The following CFAP77 variants were observed in gnomAD, a reference collection of about 807,000 sequenced individuals.
CFAP77 encodes the protein cilia- and flagella-associated protein 77.
A neutral mutation model predicts 31.1 loss-of-function variants in CFAP77; 25 were observed. The ratio of observed to expected loss-of-function variants is 0.80; its 90% CI spans 0.59 to 1.12. The LOEUF (loss-of-function observed/expected upper bound fraction) is 1.12. Among genes scored for constraint, CFAP77 ranks in the 50% most tolerant of loss-of-function variants. The pLI is 0.00. For synonymous variants in CFAP77, 151 were observed against 159.9 expected, an observed-to-expected ratio of 0.94 and a Z score of 0.42; for missense variants, 377 against 397.3, an observed-to-expected ratio of 0.95 and a Z score of 0.44.
At chr9:132,454,662 A>G (rs145529699) in intron 1 of CFAP77, among the ~76,000 whole-genome samples, 335 of 152,374 alleles carry the variant, frequency 2.2e-3, no homozygotes, top group Non-Finnish European at 4.2e-3. Context: ...TCTAGAAGTG[A>G]AGACTACTTC....
chr9:132,445,837 C>G (rs1433233504), intron 1 of CFAP77, among the ~76,000 whole-genome samples: 3 of 146,694 alleles, frequency 2.0e-5, no homozygotes, highest in African/African-American at 2.6e-5. Flanking sequence ...CCACTGCACT[C>G]TAGCCTGGGC....
At chr9:132,444,024 G>A (rs1190230175) in intron 1 of CFAP77, among the ~76,000 whole-genome samples, 1 of 152,212 alleles carries the variant, frequency 6.6e-6, no homozygotes, top group East Asian at 1.9e-4. Flanking sequence ...TGGCCCTCCC[G>A]GGCCCACAGG....
At position 132,490,722 on chromosome 9, in the gene CFAP77, T is replaced by C. The variant is rs1851638902; in HGVS notation, c.196-7973T>C. On this transcript the variant is annotated intron_variant, in intron 1 of 5. Transcript: ENST00000393216. This position sits in a 1 kb window ranked among gnomAD's most constrained non-coding sequence, Gnocchi z 4.6. Reference sequence around the variant, plus strand: ...ATTCAAGATCTGTATGTGTCTTTCTTTTCCTGATTACCCTTCCCCCAACGC... The same window carrying C: ...ATTCAAGATCTGTATGTGTCTTTCTCTTCCTGATTACCCTTCCCCCAACGC... 6.6e-6 allele frequency among the ~76,000 whole-genome samples: 1 copy of C among 152,180 alleles called. No homozygotes were observed.
chr9:132,516,049 T>A (rs1227961755), intron 3 of CFAP77, among the ~76,000 whole-genome samples: 2 of 152,102 alleles, frequency 1.3e-5, no homozygotes, highest in Non-Finnish European at 2.9e-5. Context: ...TAGGGAGTGG[T>A]GGGGACTGCA....
intron 1 of CFAP77, among the ~76,000 whole-genome samples, chr9:132,434,773 G>A (rs1850474875): frequency 6.6e-6 from 1 of 152,224 alleles, no homozygotes; most frequent in African/African-American, 2.4e-5. Context: ...GGGGCAGAGG[G>A]ATTGCTTCTG....
intron 1 of CFAP77, among the ~76,000 whole-genome samples, chr9:132,412,911 C>A (rs1408906187): frequency 6.6e-6 from 1 of 152,098 alleles, no homozygotes; most frequent in East Asian, 1.9e-4. Context: ...GTTTCACCAT[C>A]ATAGATTTTC....
chr9:132,467,404 C>T (rs555191264), intron 1 of CFAP77, among the ~76,000 whole-genome samples: 19 of 152,208 alleles, frequency 1.2e-4, no homozygotes, highest in East Asian at 9.7e-4. Flanking sequence ...TCTGTCTCTG[C>T]TAATTTGACT....
chr9:132,479,011 G>A (rs1851399259), intron 1 of CFAP77, among the ~76,000 whole-genome samples: 1 of 152,150 alleles, frequency 6.6e-6, no homozygotes, highest in Admixed American at 6.5e-5. Flanking sequence ...CACCAAATCT[G>A]TCTATTTTAT....
intron 1 of CFAP77, among the ~76,000 whole-genome samples, chr9:132,431,424 A>G (rs1489537337): frequency 6.6e-6 from 1 of 152,224 alleles, no homozygotes; most frequent in Non-Finnish European, 1.5e-5. Flanking sequence ...AACATATAGA[A>G]TTGAGATAAT....
chr9:132,477,754 G>A (rs485731), intron 1 of CFAP77, among the ~76,000 whole-genome samples: 79,713 of 151,606 alleles, frequency 0.53, 21,601 homozygotes, highest in East Asian at 0.77. Flanking sequence ...GTGTCTAGGG[G>A]GTGAGTAGGG....
chr9:132,542,747 C>G (rs1852667531), intron 4 of CFAP77, among the ~76,000 whole-genome samples, 199 bp from the exon 5 acceptor site: 1 of 151,680 alleles, frequency 6.6e-6, no homozygotes, highest in Non-Finnish European at 1.5e-5. Flanking sequence ...CTCCCCCAGT[C>G]TCCTGAGCTG....
chr9:132,508,003 G>C (rs1851963556), intron 3 of CFAP77, among the ~76,000 whole-genome samples: 1 of 152,212 alleles, frequency 6.6e-6, no homozygotes, highest in Admixed American at 6.5e-5. Flanking sequence ...AGGTCCCAGA[G>C]CGCAGGGAGA....
rs559051958 is a variant in CFAP77 at position 132,539,602 on chromosome 9, G to A, written c.630+1896G>A. On this transcript the variant is annotated intron_variant, in intron 4 of 5. Coordinates refer to ENST00000393216, the MANE Select transcript of CFAP77 (RefSeq NM_001282957.2). The surrounding 1 kb of genome is among the most constrained non-coding windows in gnomAD (Gnocchi z 4.3). Reference sequence around the variant, plus strand: ...ATGTTCTAGGGCCAACCAGGGGATCGGAGGAGTCTTTCTCGAAATCCTGGT... The same window carrying A: ...ATGTTCTAGGGCCAACCAGGGGATCAGAGGAGTCTTTCTCGAAATCCTGGT... Among the ~76,000 whole-genome samples, 1 of 152,228 alleles carries A rather than the reference G, an allele frequency of 6.6e-6. No individual in the cohort carries two copies. The highest frequency in any genetic ancestry group is 6.5e-5 in the Admixed American group (1 of 15,294).
At chr9:132,536,625 C>T (rs1852548956) in intron 3 of CFAP77, among the ~76,000 whole-genome samples, 1 of 152,142 alleles carries the variant, frequency 6.6e-6, no homozygotes, top group Non-Finnish European at 1.5e-5. Flanking sequence ...AACTCCTGAC[C>T]TCAGGTGATC....
intron 3 of CFAP77, 74 bp from the exon 4 acceptor site, chr9:132,537,527 G>A: frequency 9.1e-7 from 1 of 1,095,270 alleles, no homozygotes; most frequent in Non-Finnish European, 1.4e-6. Flanking sequence ...GAGGCTCCCG[G>A]GGGCGGGCGG....
chr9:132,572,472 C>T lies in CFAP77; in HGVS notation c.817C>T (p.Gln273Ter). The T allele has an allele frequency of 6.2e-7, 1 of 1,610,460 alleles. No individual in the cohort carries two copies. The highest frequency in any genetic ancestry group is 1.3e-5 in the African/African-American group (1 of 75,000). The change falls in exon 6 of 6, where the codon CAG (glutamine) becomes TAG (stop). Residue 273 changes from glutamine (Q) to a stop codon, truncating the protein, a stop_gained. Coordinates refer to ENST00000393216, the MANE Select transcript of CFAP77 (RefSeq NM_001282957.2). LOFTEE classifies it high-confidence loss of function. The stretch of plus-strand genomic sequence containing the variant: ...CCACCGGGAAGAGTGTGCCGTGCGC[C>T]AGGGGACCCTGCGGATGGGCAACTA... ...KAHREECAVR[Q>*]GTLRMGNYTH...
At chr9:132,487,071 G>C (rs1191812109) in intron 1 of CFAP77, among the ~76,000 whole-genome samples, 1 of 152,240 alleles carries the variant, frequency 6.6e-6, no homozygotes, top group African/African-American at 2.4e-5. Context: ...GGCTCCCCAC[G>C]GTCCGCGGCT....
In CFAP77 at chr9:132,523,122, C is replaced by T. The variant is rs561469268; in HGVS notation, c.525-14479C>T. Among the ~76,000 whole-genome samples the T allele has an allele frequency of 1.0e-3, 149 of 148,908 alleles. 1 individual carries two copies. Among genetic ancestry groups the T allele is most frequent in the Admixed American group, 3.2e-3 (47 of 14,816 alleles). Reference sequence around the variant, plus strand: ...TTTTTTTTTGAGACAGGGTTTCACTCTGTTGTCCAGGCTGGAGTGCAGTGG... The same window carrying T: ...TTTTTTTTTGAGACAGGGTTTCACTTTGTTGTCCAGGCTGGAGTGCAGTGG... On this transcript the variant is annotated intron_variant, in intron 3 of 5. Coordinates refer to ENST00000393216, the MANE Select transcript of CFAP77 (RefSeq NM_001282957.2).
At chr9:132,417,038 C>T (rs1850114722) in intron 1 of CFAP77, among the ~76,000 whole-genome samples, 2 of 152,066 alleles carry the variant, frequency 1.3e-5, no homozygotes, top group Non-Finnish European at 2.9e-5. Flanking sequence ...CAAGCTCCTG[C>T]ATCAGTATGT....
Sources: allele counts gnomAD v4.1 joint callset (sites outside exome capture counted in the v4.1 genomes callset), GRCh38; gene constraint gnomAD v4.1.1; non-coding constraint Gnocchi (gnomAD v3.1); transcripts MANE v1.5; gene names NCBI Gene and HGNC (gene_info 2026-07-23, HGNC 2026-07-21).